NPAS3: variants seen among roughly 807,000 people sequenced by gnomAD.
The protein encoded by NPAS3 is neuronal PAS domain-containing protein 3.
A neutral mutation model predicts 73.1 loss-of-function variants in NPAS3; 14 were observed. The ratio of observed to expected loss-of-function variants is 0.19; its 90% confidence interval spans 0.13 to 0.30. The LOEUF (loss-of-function observed/expected upper bound fraction) is 0.30. Among genes scored for constraint, NPAS3 ranks in the 10% least tolerant of loss-of-function variants. The pLI is 1.00. For synonymous variants in NPAS3, 620 were observed against 541.5 expected, an observed-to-expected ratio of 1.14 and a Z score of -2.01; for missense variants, 1,096 against 1,250.0, an observed-to-expected ratio of 0.88 and a Z score of 1.86.
rs976176707 is a variant in NPAS3, at chr14:33,460,420, C to G, written c.468+93152C>G. On this transcript the variant is annotated intron_variant, in intron 4 of 11. Coordinates refer to ENST00000356141, the Ensembl canonical transcript of NPAS3. ...GTTTCTGTCTCTGTTTTATTTTGCACTATATTTTCTAAATATGGTAACTAG... is the reference window on the plus strand; with the variant it reads ...GTTTCTGTCTCTGTTTTATTTTGCAGTATATTTTCTAAATATGGTAACTAG... Among the ~76,000 whole-genome samples, 8 of 152,106 alleles carry G rather than the reference C, an allele frequency of 5.3e-5. No individual in the cohort carries two copies. The South Asian group carries it at 1.5e-3, about 28-fold the overall frequency.
chr14:33,581,834 A>G (rs7155244), intron 5 of NPAS3, among the ~76,000 whole-genome samples: 4,957 of 152,262 alleles, frequency 0.033, 261 homozygotes, highest in African/African-American at 0.11. Flanking sequence ...TCAGCCTTCC[A>G]AAGTGCTAGG....
intron 4 of NPAS3, among the ~76,000 whole-genome samples, chr14:33,377,850 G>A (rs916299468): frequency 1.4e-4 from 21 of 152,164 alleles, no homozygotes; most frequent in East Asian, 9.6e-4. Flanking sequence ...TAATCTGAAA[G>A]TACTAAGCTT....
Position 33,800,963 on chromosome 14 carries a change from G to C in NPAS3, c.2656G>C (p.Gly886Arg), listed in dbSNP as rs757514982. ...CCGGCTCAACATGTCAGGACCGTTC[G>C]GCGGCGCAGTGAGCGCAGCTAGCCT... Residue 886 changes from glycine to arginine, a missense_variant, in exon 12 of 12, where the codon GGC (glycine) becomes CGC (arginine). Coordinates refer to ENST00000356141, the Ensembl canonical transcript of NPAS3. The surrounding 1 kb of genome is among the most constrained non-coding windows in gnomAD (Gnocchi z 6.5). The C allele has an allele frequency of 3.8e-6, 6 of 1,599,016 alleles. No homozygotes were observed. The highest frequency in any genetic ancestry group is 5.1e-6 in the Non-Finnish European group (6 of 1,173,646).
chr14:33,005,158 T>C (rs1404959889), intron 1 of NPAS3, among the ~76,000 whole-genome samples: 1 of 152,158 alleles, frequency 6.6e-6, no homozygotes, highest in Non-Finnish European at 1.5e-5. Flanking sequence ...ATTATCATTC[T>C]CAAATATTAT....
intron 2 of NPAS3, among the ~76,000 whole-genome samples, chr14:33,136,362 T>C (rs2043839724): frequency 6.6e-6 from 1 of 152,114 alleles, no homozygotes; most frequent in East Asian, 1.9e-4. Flanking sequence ...CCTGGCCAAA[T>C]AAATACCTTT....
At chr14:33,139,305 C>T (rs2043956578) in intron 2 of NPAS3, among the ~76,000 whole-genome samples, 1 of 152,206 alleles carries the variant, frequency 6.6e-6, no homozygotes, top group Non-Finnish European at 1.5e-5. Context: ...TTGGCTTCCT[C>T]CCATTGCACC....
upstream of NPAS3, among the ~76,000 whole-genome samples, chr14:32,938,526 G>GAGAGAA (rs2035800805): frequency 7.9e-4 from 20 of 25,372 alleles, no homozygotes; most frequent in African/African-American, 1.2e-3. Context: ...AGAGAGAGAA[G>GAGAGAA]GGGGGGGAGG....
At chr14:33,761,345 T>C (rs989471505) in intron 7 of NPAS3, among the ~76,000 whole-genome samples, 3 of 152,158 alleles carry the variant, frequency 2.0e-5, no homozygotes, top group Non-Finnish European at 2.9e-5. Flanking sequence ...TGGGTTGGGT[T>C]TGAAAGCTCT....
At chr14:33,287,065 T>C (rs147272702) in intron 3 of NPAS3, among the ~76,000 whole-genome samples, 4 of 152,258 alleles carry the variant, frequency 2.6e-5, no homozygotes, top group African/African-American at 9.6e-5. Context: ...AGCCTGGAAA[T>C]ACAATTTGTA....
intron 1 of NPAS3, among the ~76,000 whole-genome samples, chr14:32,985,849 CA>C (rs1441930097): frequency 6.6e-6 from 1 of 152,164 alleles, no homozygotes; most frequent in Non-Finnish European, 1.5e-5. Flanking sequence ...TCTGTCATGT[CA>C]TGGCTTGGTG....
intron 6 of NPAS3, among the ~76,000 whole-genome samples, chr14:33,683,319 A>ATAAT (rs903341844): frequency 2.7e-5 from 4 of 149,306 alleles, no homozygotes; most frequent in Non-Finnish European, 4.4e-5. Flanking sequence ...TTTCTAGGTC[A>ATAAT]TAATTTTGAC....
chr14:33,448,260 C>A (rs562063027), intron 4 of NPAS3, among the ~76,000 whole-genome samples: 24 of 152,196 alleles, frequency 1.6e-4, no homozygotes, highest in South Asian at 1.0e-3. Flanking sequence ...GGATGAGATC[C>A]TCTAAGAAGA....
At chr14:33,268,478 A>T (rs2040918530) in intron 3 of NPAS3, among the ~76,000 whole-genome samples, 1 of 152,090 alleles carries the variant, frequency 6.6e-6, no homozygotes, top group Non-Finnish European at 1.5e-5. Flanking sequence ...ATTGCCATAC[A>T]ATTGGCCTTG....
chr14:33,257,846 A>G (rs779215325), intron 3 of NPAS3, among the ~76,000 whole-genome samples: 10 of 152,160 alleles, frequency 6.6e-5, no homozygotes, highest in Non-Finnish European at 1.3e-4. Flanking sequence ...AAGTGCCACA[A>G]TACTATTTCA....
chr14:33,306,379 A>G (rs549485045), intron 3 of NPAS3, among the ~76,000 whole-genome samples: 73 of 152,352 alleles, frequency 4.8e-4, no homozygotes, highest in South Asian at 1.7e-3. Flanking sequence ...TAATTCTGCA[A>G]TTTAACTCAA....
chr14:33,450,937 C>G (rs907424168), intron 4 of NPAS3, among the ~76,000 whole-genome samples: 4 of 152,126 alleles, frequency 2.6e-5, no homozygotes, highest in African/African-American at 9.7e-5. Flanking sequence ...TCTATAGGAG[C>G]TCTGTAACTG....
intron 2 of NPAS3, among the ~76,000 whole-genome samples, chr14:33,056,925 T>G (rs541527386): frequency 6.6e-6 from 1 of 152,344 alleles, no homozygotes; most frequent in East Asian, 1.9e-4. Flanking sequence ...GTCTTCACAC[T>G]CTTAACTTCT....
At position 32,948,165 on chromosome 14, in the gene NPAS3, T is replaced by C. The variant is rs73264614; in HGVS notation, c.50+8799T>C. 3.6e-3 allele frequency among the ~76,000 whole-genome samples: 544 copies of C among 152,308 alleles called. 1 individual carries two copies. The highest frequency in any genetic ancestry group is 0.015 in the East Asian group (76 of 5,190). On this transcript the variant is annotated intron_variant, in intron 1 of 11. Transcript: ENST00000356141. ...AAAATTAGTTTTAACAATTGAATCT[T>C]CATTTGCTATGAATTTTTCAGATTA...
chr14:33,296,089 C>T (rs1328884895), intron 3 of NPAS3, among the ~76,000 whole-genome samples: 1 of 151,936 alleles, frequency 6.6e-6, no homozygotes, highest in Admixed American at 6.6e-5. Context: ...TGAAACAAAA[C>T]AGAAAAAAAA....
Sources: gnomAD v4.1 joint callset for allele counts (sites outside exome capture counted in the v4.1 genomes callset) on GRCh38, gnomAD v4.1.1 for gene constraint, Gnocchi (gnomAD v3.1) non-coding constraint, MANE v1.5 for transcripts, NCBI Gene and HGNC (gene_info 2026-07-23, HGNC 2026-07-21) for gene names.